KIF26B: variants seen among roughly 807,000 people sequenced by gnomAD.
KIF26B encodes the protein kinesin-like protein KIF26B.
Under a neutral mutation model 151.2 loss-of-function variants are expected in KIF26B, and 63 were observed. The ratio of observed to expected loss-of-function variants is 0.42; its 90% CI spans 0.34 to 0.51. The LOEUF (loss-of-function observed/expected upper bound fraction) is 0.51, where lower values mean the gene tolerates loss of function less well. Among genes scored for constraint, KIF26B ranks in the 20% least tolerant of loss-of-function variants. KIF26B has a pLI of 0.07. For synonymous variants in KIF26B, 1,357 were observed against 1,262.1 expected (o/e 1.08, Z -1.59); for missense variants, 2,813 against 2,913.6 (o/e 0.97, Z 0.79).
intron 2 of KIF26B, among the ~76,000 whole-genome samples, chr1:245,165,495 G>A (rs1668600577): frequency 6.6e-6 from 1 of 152,216 alleles, no homozygotes; most frequent in African/African-American, 2.4e-5. Context: ...GCGCTCTAGA[G>A]CGGCTTCTGA....
chr1:245,573,933 C>A (rs901314003), intron 5 of KIF26B, among the ~76,000 whole-genome samples: 13 of 152,200 alleles, frequency 8.5e-5, no homozygotes, highest in Non-Finnish European at 1.8e-4. Context: ...TTTCATCACA[C>A]TACTCAGAAT....
chr1:245,288,089 C>T (rs1342181287), intron 2 of KIF26B, among the ~76,000 whole-genome samples: 1 of 152,082 alleles, frequency 6.6e-6, no homozygotes, highest in Non-Finnish European at 1.5e-5. Flanking sequence ...TTTGTACCAT[C>T]TCTTCATCCC....
intron 4 of KIF26B, among the ~76,000 whole-genome samples, chr1:245,471,421 A>G (rs1659910344): frequency 6.6e-6 from 1 of 152,158 alleles, no homozygotes; most frequent in Non-Finnish European, 1.5e-5. Flanking sequence ...GGTGTGAGCT[A>G]CCACACCTGG....
chr1:245,187,428 A>C (rs1411710625), intron 2 of KIF26B, among the ~76,000 whole-genome samples: 1 of 152,262 alleles, frequency 6.6e-6, no homozygotes, highest in Admixed American at 6.5e-5. Flanking sequence ...GGATGCATTC[A>C]AAGCTCAGAC....
chr1:245,527,760 C>T (rs538003391), intron 4 of KIF26B, among the ~76,000 whole-genome samples: 6 of 151,908 alleles, frequency 3.9e-5, no homozygotes, highest in Non-Finnish European at 8.8e-5. Context: ...GTCTCGATCT[C>T]CTGACCTCGT....
At chr1:245,460,941 C>G (rs567989229) in intron 4 of KIF26B, among the ~76,000 whole-genome samples, 31 of 152,128 alleles carry the variant, frequency 2.0e-4, no homozygotes, top group Non-Finnish European at 4.3e-4. Flanking sequence ...AAATAGTGAC[C>G]GAAAACAAAT....
At position 245,560,789 on chromosome 1, in the gene KIF26B, C is replaced by A. The variant is rs1208721816; in HGVS notation, c.1350+19839C>A. Among the ~76,000 whole-genome samples, 1 of 152,224 alleles carries A rather than the reference C, an allele frequency of 6.6e-6. No individual in the cohort carries two copies. Among genetic ancestry groups the A allele is most frequent in the Admixed American group, 6.5e-5 (1 of 15,288 alleles). On this transcript the variant is annotated intron_variant, in intron 5 of 14. Coordinates refer to ENST00000407071, the MANE Select transcript of KIF26B (RefSeq NM_018012.4). This position sits in a 1 kb window ranked among gnomAD's most constrained non-coding sequence, Gnocchi z 4.3. ...TCCCCTCCGCTCCTCGCACTCTCAT[C>A]ACTGCCCCTCACTCTCTGTCCCCAC...
intron 2 of KIF26B, among the ~76,000 whole-genome samples, chr1:245,345,933 TTC>T (rs1364693794): frequency 9.0e-5 from 13 of 144,726 alleles, no homozygotes; most frequent in African/African-American, 3.4e-4. Flanking sequence ...CTTTCTTTCT[TTC>T]TTTTTTTTTT....
chr1:245,184,050 G>GTTGTT lies in KIF26B; in HGVS notation c.465+27369_465+27370insGTTTT, dbSNP rs1553332271. On this transcript the variant is annotated intron_variant, in intron 2 of 14. Coordinates refer to ENST00000407071, the MANE Select transcript of KIF26B (RefSeq NM_018012.4). ...GCAACAGGTATGGGTGGGAGTTGTT[G>GTTGTT]TTTTTTTTTTTTTTTTTTTGAGCTT... Among the ~76,000 whole-genome samples, 15 of 19,808 alleles carry GTTGTT rather than the reference G, an allele frequency of 7.6e-4. 1 individual carries two copies. Among genetic ancestry groups the GTTGTT allele is most frequent in the East Asian group, 1.7e-3 (1 of 578 alleles). 13.0% of individuals were successfully genotyped at this position (19,808 alleles called of 152,430 possible). A position where few individuals can be genotyped will look rare whatever the true frequency, so the allele number is the denominator to read the frequency against.
At chr1:245,635,208 G>A (rs1482546101) in intron 9 of KIF26B, among the ~76,000 whole-genome samples, 1 of 150,514 alleles carries the variant, frequency 6.6e-6, no homozygotes, top group Non-Finnish European at 1.5e-5. Flanking sequence ...GAGTAGAACT[G>A]TTATTATTTC....
intron 3 of KIF26B, among the ~76,000 whole-genome samples, chr1:245,373,047 G>A (rs1233611064): frequency 2.6e-5 from 4 of 152,186 alleles, no homozygotes; most frequent in African/African-American, 9.7e-5. Context: ...TTTACCAGAG[G>A]AGAAACCTGA....
intron 2 of KIF26B, among the ~76,000 whole-genome samples, chr1:245,316,079 T>G (rs1193195413): frequency 2.0e-5 from 3 of 152,028 alleles, no homozygotes; most frequent in Non-Finnish European, 4.4e-5. Flanking sequence ...GCTTAGTGGA[T>G]GACCGCACTG....
chr1:245,185,995 C>T (rs368138455), intron 2 of KIF26B, among the ~76,000 whole-genome samples: 2 of 152,200 alleles, frequency 1.3e-5, no homozygotes, highest in African/African-American at 4.8e-5. Flanking sequence ...CTGCCTCAGC[C>T]TCCTGAGTAG....
At chr1:245,342,989 G>A (rs1269483666) in intron 2 of KIF26B, among the ~76,000 whole-genome samples, 1 of 151,800 alleles carries the variant, frequency 6.6e-6, no homozygotes, top group Non-Finnish European at 1.5e-5. Context: ...GGGAGGCTGA[G>A]GCAGGAGAAT....
chr1:245,417,524 G>T (rs147535852), intron 3 of KIF26B, among the ~76,000 whole-genome samples: 17 of 152,300 alleles, frequency 1.1e-4, no homozygotes, highest in African/African-American at 4.1e-4. Flanking sequence ...AAAAACAATT[G>T]ATGATTGAAT....
In KIF26B at chr1:245,318,158, C is replaced by T. The variant is rs1469264646; in HGVS notation, c.466-48676C>T. Among the ~76,000 whole-genome samples, 1 of 152,152 alleles carries T rather than the reference C, an allele frequency of 6.6e-6. No individual in the cohort carries two copies. Among genetic ancestry groups the T allele is most frequent in the Non-Finnish European group, 1.5e-5 (1 of 68,032 alleles). On this transcript the variant is annotated intron_variant, in intron 2 of 14. Coordinates refer to ENST00000407071, the MANE Select transcript of KIF26B (RefSeq NM_018012.4). This position sits in a 1 kb window ranked among gnomAD's most constrained non-coding sequence, Gnocchi z 4.0. ...AACTCTGAGGAGATCTAGGAGATCC[C>T]TAAGTATATTAGGTTTTAATTCTGG...
chr1:245,188,209 G>A (rs1484734418), intron 2 of KIF26B, among the ~76,000 whole-genome samples: 1 of 149,628 alleles, frequency 6.7e-6, no homozygotes, highest in African/African-American at 2.5e-5. Flanking sequence ...GATCCCAGGA[G>A]GTGGAGGTTG....
intron 5 of KIF26B, among the ~76,000 whole-genome samples, chr1:245,549,126 CGTGT>C (rs1180008556): frequency 6.6e-6 from 1 of 151,852 alleles, no homozygotes; most frequent in African/African-American, 2.4e-5. Context: ...TGTGTGTGCA[CGTGT>C]GTGTGTGTAA....
rs374173200 is a variant in KIF26B, at chr1:245,172,965, C to G, written c.465+16282C>G. 7.9e-5 allele frequency among the ~76,000 whole-genome samples: 12 copies of G among 152,256 alleles called. No individual in the cohort carries two copies. In the Middle Eastern group the frequency reaches 0.01, roughly 129 times the overall value. On this transcript the variant is annotated intron_variant, in intron 2 of 14. Coordinates refer to ENST00000407071, the MANE Select transcript of KIF26B (RefSeq NM_018012.4). ...AGTACGATAGCCATGTTCATAGCAGCCTTATTCACAATAGCTAAAATGTAG... is the reference window on the plus strand; with the variant it reads ...AGTACGATAGCCATGTTCATAGCAGGCTTATTCACAATAGCTAAAATGTAG...
Sources: gnomAD v4.1 joint callset for allele counts (sites outside exome capture counted in the v4.1 genomes callset) on GRCh38, gnomAD v4.1.1 for gene constraint, Gnocchi (gnomAD v3.1) non-coding constraint, MANE v1.5 for transcripts, NCBI Gene and HGNC (gene_info 2026-07-23, HGNC 2026-07-21) for gene names.